Variants in SEL1L2 observed in about 807,000 individuals in gnomAD.
The protein encoded by SEL1L2 is protein sel-1 homolog 2.
In SEL1L2, 89 loss-of-function variants were observed where a neutral mutation model predicts 98.8. The observed-to-expected ratio is 0.90, with a 90% CI of 0.76 to 1.07. SEL1L2 has a LOEUF of 1.07. Ranked by LOEUF, SEL1L2 falls within the 50% of genes least tolerant of loss-of-function variation. The pLI is 0.00. For missense variants in SEL1L2, 788 were observed against 812.0 expected, an observed-to-expected ratio of 0.97 and a Z score of 0.36; for synonymous variants, 262 against 278.5, an observed-to-expected ratio of 0.94 and a Z score of 0.59.
chr20:13,853,953 T>A (rs1988727899), intron 18 of SEL1L2, among the ~76,000 whole-genome samples: 1 of 152,228 alleles, frequency 6.6e-6, no homozygotes, highest in Non-Finnish European at 1.5e-5. Flanking sequence ...TTTCCCTAGA[T>A]GATAGATGTT....
At position 13,886,502 on chromosome 20, in the gene SEL1L2, C is replaced by G. The variant is rs2046962217; in HGVS notation, c.746-60G>C. 4.2e-6 allele frequency: 6 copies of G among 1,413,966 alleles called. No individual in the cohort carries two copies. In the East Asian group the frequency reaches 1.4e-4, roughly 32 times the overall value. 87.6% of individuals were successfully genotyped at this position (1,413,966 alleles called of 1,614,324 possible). On this transcript the variant is annotated intron_variant, in intron 8 of 19. Coordinates refer to ENST00000284951, the MANE Select transcript of SEL1L2 (RefSeq NM_025229.2). ...AACAGAGGCTGCAAGAGATAACAGT[C>G]AATTTAGAGAAAACACCGTTAGCTT... is the stretch of plus-strand genomic sequence containing the variant.
chr20:13,932,437 TATTA>T (rs2049190152), intron 2 of SEL1L2, among the ~76,000 whole-genome samples: 2 of 149,222 alleles, frequency 1.3e-5, no homozygotes, highest in Non-Finnish European at 3.0e-5. Flanking sequence ...TTATTATTAT[TATTA>T]TTATTTTTTG....
At chr20:13,885,905 T>C (rs1043918008) in intron 9 of SEL1L2, among the ~76,000 whole-genome samples, 2 of 151,800 alleles carry the variant, frequency 1.3e-5, no homozygotes, top group African/African-American at 4.8e-5. Flanking sequence ...CGTGGTGGTG[T>C]GGGCACCTGT....
At chr20:13,881,497 C>T (rs1178930474) in intron 10 of SEL1L2, among the ~76,000 whole-genome samples, 1 of 152,176 alleles carries the variant, frequency 6.6e-6, no homozygotes, top group African/African-American at 2.4e-5. Flanking sequence ...ACCCAAACAT[C>T]CCGCTTTCCT....
At chr20:13,870,939 A>C (rs1035131036) in intron 12 of SEL1L2, among the ~76,000 whole-genome samples, 3 of 151,756 alleles carry the variant, frequency 2.0e-5, no homozygotes, top group Non-Finnish European at 4.4e-5. Context: ...AAAAAAAAAA[A>C]AAAAAGAAAT....
chr20:13,968,207 C>T (rs752171592), intron 1 of SEL1L2, among the ~76,000 whole-genome samples: 19 of 152,118 alleles, frequency 1.2e-4, no homozygotes, highest in Non-Finnish European at 2.8e-4. Context: ...GGAATAGTTC[C>T]GTTACTTATT....
intron 2 of SEL1L2, among the ~76,000 whole-genome samples, chr20:13,939,059 T>TTTTTTTTTTTTTTTTTTTTTTTTC (rs71188201): frequency 8.1e-6 from 1 of 122,790 alleles, no homozygotes; most frequent in Non-Finnish European, 1.7e-5. Context: ...TTTTTTTTTT[T>TTTTTTTTTTTTTTTTTTTTTTTTC]CTGAGATGGA....
chr20:13,992,384 A>G (rs2052562313), upstream of SEL1L2, among the ~76,000 whole-genome samples: 1 of 151,944 alleles, frequency 6.6e-6, no homozygotes, highest in African/African-American at 2.4e-5. Flanking sequence ...GATGCCTGTC[A>G]TCTCAGCTAC....
intron 4 of SEL1L2, chr20:13,915,103 G>C (rs771547052): frequency 3.6e-5 from 46 of 1,284,014 alleles, no homozygotes; most frequent in Non-Finnish European, 4.3e-5. Context: ...TCTGATTTAG[G>C]AGGATCAGGA....
Position 13,889,785 on chromosome 20 carries a change from C to T in SEL1L2, c.550-1273G>A, listed in dbSNP as rs188166871. The stretch of plus-strand genomic sequence containing the variant: ...CAGCCTGGGTGACAGAGTGAGACTC[C>T]GTCTCAAAAAAAACAAAAAACAAAA... On this transcript the variant is annotated intron_variant, in intron 5 of 19. Coordinates refer to ENST00000284951, the MANE Select transcript of SEL1L2 (RefSeq NM_025229.2). 5.4e-4 allele frequency among the ~76,000 whole-genome samples: 82 copies of T among 151,696 alleles called. No homozygotes were observed. The East Asian group carries it at 5.6e-3, about 10-fold the overall frequency.
At position 13,876,111 on chromosome 20, in the gene SEL1L2, T is replaced by C; in HGVS notation, c.1031A>G (p.Tyr344Cys). ...ANAMAFIGKM[Y>C]LEGNAAVPQN... is the part of the protein sequence containing the mutation. Reference sequence around the variant, plus strand: ...CGGCACGGCAGCATTCCCCTCTAAATACATCTAGGAAGAAAAATGAAAAGA... The same window carrying C: ...CGGCACGGCAGCATTCCCCTCTAAACACATCTAGGAAGAAAAATGAAAAGA... Residue 344 changes from tyrosine (Y) to cysteine (C), a missense_variant, in exon 12 of 20, where the codon TAT becomes TGT. Tyr to Cys is a radical substitution (Grantham distance 194). Transcript: ENST00000284951. 2 of 1,610,994 alleles carry C rather than the reference T, an allele frequency of 1.2e-6. No homozygotes were observed. Among genetic ancestry groups the C allele is most frequent in the Middle Eastern group, 1.7e-4 (1 of 6,058 alleles).
intron 18 of SEL1L2, among the ~76,000 whole-genome samples, chr20:13,857,081 C>T (rs1989283136): frequency 6.6e-6 from 1 of 152,076 alleles, no homozygotes; most frequent in African/African-American, 2.4e-5. Context: ...CCTCTGGATA[C>T]TCAGTTATTA....
At chr20:13,953,377 C>T (rs1379119192) in intron 2 of SEL1L2, among the ~76,000 whole-genome samples, 1 of 152,196 alleles carries the variant, frequency 6.6e-6, no homozygotes, top group Non-Finnish European at 1.5e-5. Context: ...GTACCCTTAG[C>T]TAGCTAGACC....
intron 2 of SEL1L2, among the ~76,000 whole-genome samples, chr20:13,934,373 CATAT>C (rs57949121): frequency 8.1e-4 from 1 of 1,238 alleles, no homozygotes; most frequent in Non-Finnish European, 3.2e-3. Flanking sequence ...ATATATATTC[CATAT>C]ATATATATTC....
chr20:13,898,367 A>G (rs1179915796), intron 5 of SEL1L2, among the ~76,000 whole-genome samples: 1 of 152,194 alleles, frequency 6.6e-6, no homozygotes, highest in East Asian at 1.9e-4. Flanking sequence ...ATTAAAGAAT[A>G]TGGGTGAAGA....
rs1218097599 is a variant in SEL1L2 at position 13,865,515 on chromosome 20, C to T, written c.1405-1G>A. On this transcript the variant is annotated splice_acceptor_variant, in intron 15 of 19. Coordinates refer to ENST00000284951, the MANE Select transcript of SEL1L2 (RefSeq NM_025229.2). LOFTEE classifies it high-confidence loss of function. ...CTAGTTCACAGACACCTTTATAAAGCTGTACATGAGAGGAGAAATCAAGGA... is the reference window on the plus strand; with the variant it reads ...CTAGTTCACAGACACCTTTATAAAGTTGTACATGAGAGGAGAAATCAAGGA... The T allele has an allele frequency of 3.1e-6, 5 of 1,612,578 alleles. No homozygotes were observed. The highest frequency in any genetic ancestry group is 1.1e-5 in the South Asian group (1 of 90,924).
chr20:13,885,331 C>T lies in SEL1L2; in HGVS notation c.957+16G>A, dbSNP rs200588365. The T allele has an allele frequency of 1.9e-6, 3 of 1,556,102 alleles. No individual in the cohort carries two copies. The highest frequency in any genetic ancestry group is 1.7e-5 in the Admixed American group (1 of 59,924). ...CCTTCCCCACCCCATTTGACTGGAT[C>T]TTGAGATTGACTTACGTAGTAATCC... On this transcript the variant is annotated intron_variant, in intron 10 of 19. Coordinates refer to ENST00000284951, the MANE Select transcript of SEL1L2 (RefSeq NM_025229.2).
chr20:13,854,027 A>T (rs1393826334), intron 18 of SEL1L2, among the ~76,000 whole-genome samples: 1 of 152,244 alleles, frequency 6.6e-6, no homozygotes, highest in African/African-American at 2.4e-5. Flanking sequence ...TATTTCTGAG[A>T]GGGCCATTTT....
At chr20:13,875,360 C>A (rs545393672) in intron 12 of SEL1L2, among the ~76,000 whole-genome samples, 7 of 152,220 alleles carry the variant, frequency 4.6e-5, no homozygotes, top group Non-Finnish European at 8.8e-5. Flanking sequence ...CTGTTTCAGC[C>A]TCCCAAAGTG....
Sources: allele counts gnomAD v4.1 joint callset (sites outside exome capture counted in the v4.1 genomes callset), GRCh38; gene constraint gnomAD v4.1.1; transcripts MANE v1.5; gene names NCBI Gene and HGNC (gene_info 2026-07-23, HGNC 2026-07-21).